The following CORIN variants were observed in gnomAD, a reference collection of about 807,000 sequenced individuals.
The protein encoded by CORIN is corin, serine peptidase, also known as atrial natriuretic peptide-converting enzyme.
In CORIN, 117 loss-of-function variants were observed where a neutral mutation model predicts 125.3. The observed-to-expected ratio is 0.93, with a 90% CI of 0.80 to 1.09. The LOEUF (loss-of-function observed/expected upper bound fraction) is 1.09, where lower values mean the gene tolerates loss of function less well. Ranked by LOEUF, CORIN falls within the 50% of genes least tolerant of loss-of-function variation. The pLI is 0.00. For missense variants in CORIN, 1,253 were observed against 1,306.7 expected (o/e 0.96, Z 0.63); for synonymous variants, 450 against 466.4 (o/e 0.96, Z 0.45).
At chr4:47,698,254 G>C (rs1042547570) in intron 5 of CORIN, among the ~76,000 whole-genome samples, 7 of 151,684 alleles carry the variant, frequency 4.6e-5, no homozygotes, top group South Asian at 4.2e-4. Context: ...GTATAGGAGT[G>C]GGGTAATAAC....
At chr4:47,614,601 G>A (rs146854786) in intron 19 of CORIN, among the ~76,000 whole-genome samples, 2 of 152,304 alleles carry the variant, frequency 1.3e-5, no homozygotes, top group African/African-American at 4.8e-5. Context: ...CATTGGAAAT[G>A]GTGAATTGAT....
chr4:47,731,227 T>C (rs1727857719), intron 5 of CORIN, among the ~76,000 whole-genome samples: 1 of 152,188 alleles, frequency 6.6e-6, no homozygotes, highest in Admixed American at 6.5e-5. Flanking sequence ...TTGTATCTGT[T>C]TCGTTTGACA....
At chr4:47,711,291 C>T (rs573370890) in intron 5 of CORIN, among the ~76,000 whole-genome samples, 6 of 152,316 alleles carry the variant, frequency 3.9e-5, no homozygotes, top group East Asian at 1.9e-4. Flanking sequence ...GCACTCCCCG[C>T]GTTTTTCACA....
chr4:47,758,769 C>G (rs1729311651), intron 4 of CORIN, among the ~76,000 whole-genome samples: 1 of 152,150 alleles, frequency 6.6e-6, no homozygotes, highest in Non-Finnish European at 1.5e-5. Flanking sequence ...TTATAAGGGG[C>G]TTTCCCCATT....
chr4:47,751,258 T>C (rs777631472), intron 4 of CORIN, among the ~76,000 whole-genome samples: 5 of 152,196 alleles, frequency 3.3e-5, no homozygotes, highest in African/African-American at 1.2e-4. Flanking sequence ...CTCCTTCACA[T>C]ACATTATTTT....
intron 3 of CORIN, among the ~76,000 whole-genome samples, chr4:47,786,153 C>T (rs1394934121): frequency 6.6e-6 from 1 of 152,180 alleles, no homozygotes; most frequent in African/African-American, 2.4e-5. Flanking sequence ...AATTTTCAGA[C>T]CTCAGAAATA....
intron 20 of CORIN, among the ~76,000 whole-genome samples, chr4:47,602,538 C>T (rs1464456190): frequency 6.6e-6 from 1 of 152,020 alleles, no homozygotes; most frequent in African/African-American, 2.4e-5. Flanking sequence ...GAAATATGAC[C>T]ATGCAGCTTG....
At chr4:47,658,916 G>A (rs1165043149) in intron 12 of CORIN, among the ~76,000 whole-genome samples, 1 of 152,054 alleles carries the variant, frequency 6.6e-6, no homozygotes, top group Admixed American at 6.6e-5. Flanking sequence ...TTATTTCTTT[G>A]CTCCTGTATC....
At chr4:47,653,349 T>C (rs945417761) in intron 13 of CORIN, among the ~76,000 whole-genome samples, 4 of 152,174 alleles carry the variant, frequency 2.6e-5, no homozygotes, top group African/African-American at 7.2e-5. Context: ...ATCAGGGTTA[T>C]ATAGAAGTGC....
chr4:47,772,174 G>A (rs1730074472), intron 3 of CORIN, among the ~76,000 whole-genome samples: 1 of 152,098 alleles, frequency 6.6e-6, no homozygotes, highest in South Asian at 2.1e-4. Context: ...TTGGTTTTAA[G>A]ATGTTTAAAT....
At chr4:47,604,094 G>T (rs1260366452) in intron 19 of CORIN, among the ~76,000 whole-genome samples, 1 of 152,212 alleles carries the variant, frequency 6.6e-6, no homozygotes, top group Non-Finnish European at 1.5e-5. Flanking sequence ...CAGATTTCCA[G>T]CTCAGGGCTT....
chr4:47,632,733 A>AGATAGAT (rs1553905899), intron 16 of CORIN, among the ~76,000 whole-genome samples: 8 of 110,744 alleles, frequency 7.2e-5, no homozygotes, highest in African/African-American at 1.1e-4. Context: ...GATGATAGAT[A>AGATAGAT]GATAGATAGA....
intron 7 of CORIN, chr4:47,680,501 C>G (rs751581857): frequency 5.3e-6 from 2 of 378,814 alleles, no homozygotes; most frequent in African/African-American, 4.2e-5. Flanking sequence ...GCCCCAGGAC[C>G]CGTAGTTTGT....
chr4:47,644,896 T>C (rs971264702), intron 14 of CORIN, among the ~76,000 whole-genome samples, 185 bp downstream of exon 14: 1 of 152,256 alleles, frequency 6.6e-6, no homozygotes, highest in Non-Finnish European at 1.5e-5. Context: ...TTATAGTGTA[T>C]ATATTTTACA....
intron 19 of CORIN, among the ~76,000 whole-genome samples, chr4:47,613,176 T>C (rs1402116538): frequency 6.6e-6 from 1 of 152,102 alleles, no homozygotes; most frequent in African/African-American, 2.4e-5. Flanking sequence ...TCAGAGCAGG[T>C]GAGTGCAGTG....
At position 47,807,046 on chromosome 4, in the gene CORIN, A is replaced by T. The variant is rs769477430; in HGVS notation, c.65T>A (p.Val22Asp). Residue 22 changes from valine to aspartate, a missense_variant and splice_region_variant, in exon 2 of 22, where the codon GTC (valine) becomes GAC (aspartate). Physicochemically the swap from Val to Asp is radical, Grantham distance 152. Transcript: ENST00000273857. ...CATGTTATTGTCATCAGCTCTCAAG[A>T]CCTAAAGTAAAAGAGGAAAATGCAA... ...RCRRAGSPKP[V>D]LRADDNNMGN... 1.2e-6 allele frequency: 2 copies of T among 1,603,038 alleles called. No homozygotes were observed. The highest frequency in any genetic ancestry group is 2.3e-5 in the South Asian group (2 of 88,598).
chr4:47,758,197 G>C (rs557937378), intron 4 of CORIN, among the ~76,000 whole-genome samples: 4 of 152,042 alleles, frequency 2.6e-5, no homozygotes, highest in African/African-American at 9.7e-5. Context: ...ACAGGTGTGA[G>C]CCACCACGCC....
intron 1 of CORIN, among the ~76,000 whole-genome samples, chr4:47,811,647 G>A (rs1311539366): frequency 6.6e-6 from 1 of 152,136 alleles, no homozygotes; most frequent in East Asian, 1.9e-4. Context: ...TCACAGGCTT[G>A]AGCCACCGCG....
intron 2 of CORIN, among the ~76,000 whole-genome samples, chr4:47,789,081 T>G (rs934954896): frequency 1.3e-5 from 2 of 152,106 alleles, no homozygotes; most frequent in African/African-American, 4.8e-5. Flanking sequence ...GGCAGGTGGA[T>G]CACCTGAGGT....
Sources: allele counts gnomAD v4.1 joint callset (sites outside exome capture counted in the v4.1 genomes callset), GRCh38; gene constraint gnomAD v4.1.1; transcripts MANE v1.5; gene names NCBI Gene and HGNC (gene_info 2026-07-23, HGNC 2026-07-21).